CDH8: variants seen among roughly 807,000 people sequenced by gnomAD.
CDH8 encodes the protein cadherin-8.
In CDH8, 17 loss-of-function variants were observed where a neutral mutation model predicts 68.1. The ratio of observed to expected loss-of-function variants is 0.25; its 90% CI spans 0.17 to 0.37. The LOEUF is 0.37. Among genes scored for constraint, CDH8 ranks in the 10% least tolerant of loss-of-function variants. The probability of loss-of-function intolerance (pLI) is 1.00; values close to 1 mark genes in which losing one functional copy is unlikely to be tolerated. For synonymous variants in CDH8, 372 were observed against 365.1 expected (o/e 1.02, Z -0.21); for missense variants, 763 against 999.3 (o/e 0.76, Z 3.19).
chr16:62,006,514 G>A (rs1018278550), intron 2 of CDH8, among the ~76,000 whole-genome samples: 2 of 152,102 alleles, frequency 1.3e-5, no homozygotes, highest in African/African-American at 4.8e-5. Flanking sequence ...CAGGATTCAG[G>A]TAAGATCTAA....
chr16:61,664,378 CAAAT>C (rs1963626651), intron 10 of CDH8, among the ~76,000 whole-genome samples: 1 of 151,812 alleles, frequency 6.6e-6, no homozygotes, highest in African/African-American at 2.4e-5. Context: ...TTCCGAGTAA[CAAAT>C]AACCAATTGC....
At chr16:61,686,963 T>C (rs969512367) in intron 10 of CDH8, among the ~76,000 whole-genome samples, 3 of 151,812 alleles carry the variant, frequency 2.0e-5, no homozygotes, top group Non-Finnish European at 4.4e-5. Context: ...GCAGCAACCA[T>C]AGGGTTTAAA....
chr16:61,728,042 C>A (rs1959426176), intron 8 of CDH8, among the ~76,000 whole-genome samples: 1 of 150,918 alleles, frequency 6.6e-6, no homozygotes, highest in Non-Finnish European at 1.5e-5. Flanking sequence ...TTTGACTGTA[C>A]CATGTAATAA....
chr16:61,797,901 A>G (rs1961534486), intron 7 of CDH8, among the ~76,000 whole-genome samples: 1 of 152,110 alleles, frequency 6.6e-6, no homozygotes, highest in African/African-American at 2.4e-5. Context: ...ATCTATGTCA[A>G]TTCATTTCAG....
chr16:61,710,611 G>A (rs560482001), intron 10 of CDH8: 6 of 151,966 alleles, frequency 3.9e-5, no homozygotes, highest in South Asian at 2.1e-4. Context: ...TCTATTTCTC[G>A]TCTTACCATA....
intron 9 of CDH8, among the ~76,000 whole-genome samples, chr16:61,716,857 T>C (rs1964740373): frequency 6.6e-6 from 1 of 151,770 alleles, no homozygotes; most frequent in South Asian, 2.1e-4. Context: ...TTAAAATGCA[T>C]TAAGATATCC....
intron 2 of CDH8, among the ~76,000 whole-genome samples, chr16:62,005,000 A>C (rs1223022676): frequency 6.6e-6 from 1 of 152,226 alleles, no homozygotes; most frequent in Admixed American, 6.5e-5. Context: ...CTAATTCCAA[A>C]GTAAGAACGC....
intron 2 of CDH8, among the ~76,000 whole-genome samples, chr16:61,955,378 A>G (rs566253931): frequency 5.3e-5 from 8 of 152,326 alleles, no homozygotes; most frequent in African/African-American, 1.7e-4. Flanking sequence ...GCTGTAGCCA[A>G]TCCCGCTGTT....
chr16:61,906,513 G>T (rs548713469), intron 2 of CDH8, among the ~76,000 whole-genome samples: 1 of 152,290 alleles, frequency 6.6e-6, no homozygotes, highest in African/African-American at 2.4e-5. Flanking sequence ...GAGCTGAATT[G>T]TGTGTATCAG....
At chr16:61,969,969 G>A (rs3784843) in intron 2 of CDH8, among the ~76,000 whole-genome samples, 25,659 of 152,130 alleles carry the variant, frequency 0.17, 3,872 homozygotes, top group African/African-American at 0.4. Flanking sequence ...AACCTCCTTC[G>A]CTGCTATGTG....
At chr16:61,665,584 T>C (rs1963651236) in intron 10 of CDH8, among the ~76,000 whole-genome samples, 1 of 152,022 alleles carries the variant, frequency 6.6e-6, no homozygotes, top group South Asian at 2.1e-4. Flanking sequence ...GACAGGTTGA[T>C]GGGTGCAGCA....
chr16:61,674,659 A>C (rs1436293950), intron 10 of CDH8, among the ~76,000 whole-genome samples: 3 of 152,144 alleles, frequency 2.0e-5, no homozygotes, highest in Non-Finnish European at 4.4e-5. Flanking sequence ...GTCAGTCAAT[A>C]GAAACCAATA....
intron 3 of CDH8, among the ~76,000 whole-genome samples, chr16:61,860,613 T>C (rs1438988539): frequency 6.6e-6 from 1 of 152,130 alleles, no homozygotes; most frequent in Non-Finnish European, 1.5e-5. Flanking sequence ...GTTCCCATAT[T>C]GTGAAGTAAC....
chr16:61,822,568 C>T (rs978197362), intron 5 of CDH8, among the ~76,000 whole-genome samples: 1 of 151,782 alleles, frequency 6.6e-6, no homozygotes, highest in African/African-American at 2.4e-5. Flanking sequence ...ACTAACACCC[C>T]TTTATTTAAC....
intron 10 of CDH8, among the ~76,000 whole-genome samples, chr16:61,674,587 A>C (rs1963861784): frequency 6.6e-6 from 1 of 152,100 alleles, no homozygotes; most frequent in African/African-American, 2.4e-5. Flanking sequence ...GGTGTCTAAA[A>C]CTCAGACAAA....
intron 2 of CDH8, among the ~76,000 whole-genome samples, chr16:61,981,675 T>C (rs540512594): frequency 0.016 from 2,342 of 150,948 alleles, 62 homozygotes; most frequent in African/African-American, 0.055. Flanking sequence ...TGTGTGTGTG[T>C]GTGTGTGCGC....
intron 10 of CDH8, among the ~76,000 whole-genome samples, chr16:61,694,572 G>C (rs895343957): frequency 2.0e-5 from 3 of 152,068 alleles, no homozygotes; most frequent in Non-Finnish European, 4.4e-5. Flanking sequence ...GAATGATGAG[G>C]TTTGGTCATA....
intron 3 of CDH8, among the ~76,000 whole-genome samples, chr16:61,877,560 TAG>T (rs1447198969): frequency 6.6e-6 from 1 of 152,084 alleles, no homozygotes; most frequent in Non-Finnish European, 1.5e-5. Context: ...TATTTCAGAG[TAG>T]AGACATTGTG....
intron 3 of CDH8, among the ~76,000 whole-genome samples, chr16:61,863,744 A>G (rs1963198585): frequency 6.6e-6 from 1 of 152,206 alleles, no homozygotes; most frequent in Non-Finnish European, 1.5e-5. Flanking sequence ...TAAAATTCAG[A>G]ACAATGCACA....
Sources: gnomAD v4.1 joint callset for allele counts (sites outside exome capture counted in the v4.1 genomes callset) on GRCh38, gnomAD v4.1.1 for gene constraint, MANE v1.5 for transcripts, NCBI Gene and HGNC (gene_info 2026-07-23, HGNC 2026-07-21) for gene names.